ZFHX3: variants seen among roughly 807,000 people sequenced by gnomAD.
ZFHX3 encodes zinc finger homeobox protein 3.
A neutral mutation model predicts 279.1 loss-of-function variants in ZFHX3; 42 were observed. The observed-to-expected ratio is 0.15, with a 90% CI of 0.12 to 0.19. ZFHX3 has a LOEUF of 0.19. Among genes scored for constraint, ZFHX3 ranks in the 10% least tolerant of loss-of-function variants. The pLI, the probability that ZFHX3 is intolerant of heterozygous loss-of-function variation, is 1.00. For missense variants in ZFHX3, 4,981 were observed against 4,754.0 expected (o/e 1.05, Z -1.40); for synonymous variants, 2,293 against 1,957.8 (o/e 1.17, Z -4.52).
intron 3 of ZFHX3, among the ~76,000 whole-genome samples, chr16:72,919,114 C>T (rs906763661): frequency 6.6e-6 from 1 of 151,780 alleles, no homozygotes; most frequent in Non-Finnish European, 1.5e-5. Flanking sequence ...CTAATCCAGG[C>T]TCACAGGATC....
rs559350272 is a variant in ZFHX3, at chr16:73,093,660, C to T, written c.-896-62G>A. 37 of 455,416 alleles carry T rather than the reference C, an allele frequency of 8.1e-5. 1 individual carries two copies. Among genetic ancestry groups the T allele is most frequent in the African/African-American group, 4.3e-4 (22 of 50,626 alleles). The allele number at this position is 455,416 out of a possible 1,614,324, so 28.2% of individuals were successfully genotyped here. The stretch of plus-strand genomic sequence containing the variant: ...CGGCCTCTCCCCACAGAATACAGTT[C>T]GCCATTACAGCGCTGATTAAATACA... On this transcript the variant is annotated intron_variant, in intron 7 of 17. Coordinates refer to the ZFHX3 transcript ENST00000641206.
At chr16:73,027,438 G>A (rs1213378965) in intron 1 of ZFHX3, among the ~76,000 whole-genome samples, 2 of 152,170 alleles carry the variant, frequency 1.3e-5, no homozygotes, top group Non-Finnish European at 2.9e-5. Context: ...ATGCAGGCGG[G>A]GTGTTCAAAC....
chr16:73,498,676 C>CTGGG (rs1187056340), intron 2 of ZFHX3, among the ~76,000 whole-genome samples: 1 of 152,102 alleles, frequency 6.6e-6, no homozygotes, highest in African/African-American at 2.4e-5. Flanking sequence ...ACCTCCTGGG[C>CTGGG]TGGGGTAAAG....
intron 8 of ZFHX3, among the ~76,000 whole-genome samples, chr16:73,079,947 A>AGAC (rs1567658749): frequency 1.3e-5 from 2 of 152,176 alleles, no homozygotes; most frequent in Middle Eastern, 3.4e-3. Flanking sequence ...CACACAGAGC[A>AGAC]AGTTTAATTC....
intron 2 of ZFHX3, among the ~76,000 whole-genome samples, chr16:72,956,934 G>C (rs958472195): frequency 6.6e-6 from 1 of 152,024 alleles, no homozygotes; most frequent in Non-Finnish European, 1.5e-5. Context: ...TCAGCCTTTA[G>C]TTATCTGAAT....
At position 73,591,491 on chromosome 16, in the gene ZFHX3, A is replaced by G. The variant is rs2051995803; in HGVS notation, c.-1547+88689T>C. ...GGTAGATCACGAAGTCAGGAGATCG[A>G]TATCATCGTGGCTAACTCGTGAAAC... On this transcript the variant is annotated intron_variant, in intron 2 of 17. Coordinates refer to the ZFHX3 transcript ENST00000641206. Among the ~76,000 whole-genome samples, 3 of 151,624 alleles carry G rather than the reference A, an allele frequency of 2.0e-5. No individual in the cohort carries two copies. The South Asian group carries it at 6.3e-4, about 32-fold the overall frequency.
chr16:73,248,798 T>C (rs1477935993), intron 5 of ZFHX3, among the ~76,000 whole-genome samples: 1 of 152,128 alleles, frequency 6.6e-6, no homozygotes, highest in African/African-American at 2.4e-5. Flanking sequence ...CATTCGATCC[T>C]TATATTGAAG....
intron 3 of ZFHX3, among the ~76,000 whole-genome samples, chr16:72,919,000 T>G (rs1340898075): frequency 6.6e-6 from 1 of 152,028 alleles, no homozygotes; most frequent in African/African-American, 2.4e-5. Context: ...CCGGCCTGTT[T>G]AGAGGTATTT....
At chr16:73,809,642 TAC>T (rs1404676728) in intron 1 of ZFHX3, 2 of 152,162 alleles carry the variant, frequency 1.3e-5, no homozygotes, top group Non-Finnish European at 2.9e-5. Context: ...AGGGTCTCAA[TAC>T]AGTTTCATCT....
chr16:72,804,760 G>A (rs746549278), intron 7 of ZFHX3, among the ~76,000 whole-genome samples: 59 of 152,228 alleles, frequency 3.9e-4, no homozygotes, highest in Middle Eastern at 6.8e-3. Flanking sequence ...GGAGTTATAA[G>A]GAACACCATC....
intron 1 of ZFHX3, among the ~76,000 whole-genome samples, chr16:73,686,364 G>A (rs553183575): frequency 8.5e-5 from 13 of 152,300 alleles, no homozygotes; most frequent in African/African-American, 2.6e-4. Context: ...AAAGTGCTGG[G>A]ATAAGGCGTG....
chr16:73,868,688 T>G (rs907256223), intron 1 of ZFHX3, among the ~76,000 whole-genome samples: 1 of 152,176 alleles, frequency 6.6e-6, no homozygotes, highest in Non-Finnish European at 1.5e-5. Context: ...AACCTAAGCA[T>G]ATTAACTGAA....
chr16:72,819,995 T>C (rs190374127), intron 5 of ZFHX3, among the ~76,000 whole-genome samples: 19 of 152,282 alleles, frequency 1.2e-4, no homozygotes, highest in African/African-American at 3.4e-4. Context: ...GGAAGCGTCT[T>C]TTTAGTGCTG....
chr16:73,168,644 T>C (rs1365430577), intron 5 of ZFHX3, among the ~76,000 whole-genome samples: 1 of 152,050 alleles, frequency 6.6e-6, no homozygotes, highest in Middle Eastern at 3.2e-3. Context: ...ACCCACATTG[T>C]CCCTCCCCGC....
intron 3 of ZFHX3, among the ~76,000 whole-genome samples, chr16:73,390,687 A>G (rs1344957423): frequency 1.3e-5 from 2 of 152,100 alleles, no homozygotes; most frequent in African/African-American, 2.4e-5. Flanking sequence ...TTTCCATGAG[A>G]CCGTAACAAA....
chr16:73,858,854 T>G (rs532543775), intron 1 of ZFHX3, among the ~76,000 whole-genome samples: 39 of 152,304 alleles, frequency 2.6e-4, no homozygotes, highest in African/African-American at 9.1e-4. Flanking sequence ...ACATGTAAGA[T>G]GTGAAGGAGA....
intron 2 of ZFHX3, among the ~76,000 whole-genome samples, chr16:73,606,764 GTT>G (rs999267569): frequency 6.6e-6 from 1 of 152,064 alleles, no homozygotes; most frequent in Non-Finnish European, 1.5e-5. Context: ...CCCAGTGTGT[GTT>G]GTTTCCCCAC....
chr16:73,212,550 C>A (rs1487792751), intron 5 of ZFHX3, among the ~76,000 whole-genome samples: 2 of 152,244 alleles, frequency 1.3e-5, no homozygotes, highest in East Asian at 1.9e-4. Flanking sequence ...GAGCTTCTAA[C>A]TGCTGTGCTC....
chr16:72,919,054 C>T (rs557087032), intron 3 of ZFHX3, among the ~76,000 whole-genome samples: 5 of 151,902 alleles, frequency 3.3e-5, no homozygotes, highest in East Asian at 1.9e-4. Flanking sequence ...TCCCTAAATG[C>T]GGGTAGATGT....
Sources: gnomAD v4.1 joint callset for allele counts (sites outside exome capture counted in the v4.1 genomes callset) on GRCh38, gnomAD v4.1.1 for gene constraint, MANE v1.5 for transcripts, NCBI Gene and HGNC (gene_info 2026-07-23, HGNC 2026-07-21) for gene names.